CHRM5: variants seen among roughly 807,000 people sequenced by gnomAD.
CHRM5 encodes the protein cholinergic receptor muscarinic 5, also known as muscarinic acetylcholine receptor M5.
Under a neutral mutation model 39.0 loss-of-function variants are expected in CHRM5, and 18 were observed. The ratio of observed to expected loss-of-function variants is 0.46; its 90% CI spans 0.32 to 0.68. The LOEUF (loss-of-function observed/expected upper bound fraction) is 0.68. Ranked by LOEUF, CHRM5 falls within the 30% of genes least tolerant of loss-of-function variation. The probability of loss-of-function intolerance (pLI) is 0.04; values close to 1 mark genes in which losing one functional copy is unlikely to be tolerated. For synonymous variants in CHRM5, 241 were observed against 246.3 expected (o/e 0.98, Z 0.20); for missense variants, 515 against 651.1 (o/e 0.79, Z 2.28).
chr15:33,999,681 C>A (rs117304876), intron 1 of CHRM5, among the ~76,000 whole-genome samples: 224 of 152,290 alleles, frequency 1.5e-3, no homozygotes, highest in Non-Finnish European at 2.8e-3. Flanking sequence ...CTCCACTGCT[C>A]TCCTCTGGAC....
At chr15:34,012,408 A>T (rs530835095) in intron 1 of CHRM5, among the ~76,000 whole-genome samples, 1 of 152,316 alleles carries the variant, frequency 6.6e-6, no homozygotes, top group South Asian at 2.1e-4. Flanking sequence ...TTTCTGGGTG[A>T]TCTTGGTGTG....
chr15:34,055,299 A>C (rs1900094921), intron 2 of CHRM5, among the ~76,000 whole-genome samples: 1 of 151,868 alleles, frequency 6.6e-6, no homozygotes, highest in African/African-American at 2.4e-5. Context: ...GGAGTTTGAG[A>C]CCAGCCTGGC....
At chr15:34,053,738 C>G (rs1166612089) in intron 2 of CHRM5, among the ~76,000 whole-genome samples, 1 of 152,018 alleles carries the variant, frequency 6.6e-6, no homozygotes, top group Non-Finnish European at 1.5e-5. Flanking sequence ...AGAAGAAAAG[C>G]TAGGCAATAC....
At chr15:34,061,393 T>G (rs2041785360) in intron 2 of CHRM5, among the ~76,000 whole-genome samples, 2 of 14,068 alleles carry the variant, frequency 1.4e-4, no homozygotes, top group East Asian at 6.6e-3. Context: ...TAGCTCTAGA[T>G]GTACTGATAA....
At chr15:34,048,863 G>A (rs1282550842) in intron 2 of CHRM5, among the ~76,000 whole-genome samples, 2 of 152,192 alleles carry the variant, frequency 1.3e-5, no homozygotes, top group African/African-American at 2.4e-5. Flanking sequence ...TTGCTGTTTT[G>A]CATACCTGGT....
At chr15:33,985,485 A>T (rs1015561215) in intron 1 of CHRM5, among the ~76,000 whole-genome samples, 1 of 151,522 alleles carries the variant, frequency 6.6e-6, no homozygotes, top group Non-Finnish European at 1.5e-5. Flanking sequence ...CCTGGGGGAG[A>T]TATTACCTCA....
intron 1 of CHRM5, chr15:34,038,656 G>GCGCCGGCGCCGC: frequency 1.1e-6 from 1 of 941,444 alleles, no homozygotes; most frequent in South Asian, 5.1e-5. Context: ...TCCCGCGCAG[G>GCGCCGGCGCCGC]CGCCGGCGCC....
intron 1 of CHRM5, among the ~76,000 whole-genome samples, chr15:34,027,667 T>C (rs1484394591): frequency 1.3e-5 from 2 of 152,130 alleles, no homozygotes; most frequent in South Asian, 2.1e-4. Context: ...TTGACCTCCC[T>C]GACAGCTCTG....
intron 1 of CHRM5, among the ~76,000 whole-genome samples, chr15:33,978,119 T>C (rs1895967395): frequency 6.6e-6 from 1 of 151,930 alleles, no homozygotes; most frequent in African/African-American, 2.4e-5. Context: ...TTTAAAAACA[T>C]AGAAATTCAA....
chr15:34,061,402 A>C (rs1900332028), intron 2 of CHRM5, among the ~76,000 whole-genome samples: 1 of 152,160 alleles, frequency 6.6e-6, no homozygotes, highest in Non-Finnish European at 1.5e-5. Flanking sequence ...ATGTACTGAT[A>C]AAAAGCTGTC....
At chr15:34,043,987 G>A (rs1044409513) in intron 1 of CHRM5, among the ~76,000 whole-genome samples, 4 of 151,494 alleles carry the variant, frequency 2.6e-5, no homozygotes, top group African/African-American at 4.9e-5. Flanking sequence ...ACTTGGGGAC[G>A]TCTTTCCAGC....
intron 1 of CHRM5, among the ~76,000 whole-genome samples, chr15:34,009,134 T>C (rs1053612565): frequency 2.6e-5 from 4 of 151,900 alleles, no homozygotes; most frequent in Non-Finnish European, 5.9e-5. Context: ...AAAAATAAAC[T>C]GTCAGCCAAG....
chr15:33,975,770 G>A (rs1895856946), intron 1 of CHRM5, among the ~76,000 whole-genome samples: 1 of 151,972 alleles, frequency 6.6e-6, no homozygotes, highest in South Asian at 2.1e-4. Context: ...TCTCTACTGA[G>A]AATACAAAAA....
At chr15:33,989,628 G>A (rs1042140425) in intron 1 of CHRM5, among the ~76,000 whole-genome samples, 2 of 151,932 alleles carry the variant, frequency 1.3e-5, no homozygotes, top group Non-Finnish European at 2.9e-5. Context: ...CATAGTCTCT[G>A]AATTCATGTT....
chr15:34,030,507 G>A (rs539305556), intron 1 of CHRM5, among the ~76,000 whole-genome samples: 6 of 151,996 alleles, frequency 3.9e-5, no homozygotes, highest in African/African-American at 1.2e-4. Flanking sequence ...CACCTCGCCC[G>A]GCTAATTTTT....
At chr15:33,985,986 T>TC (rs1362865533) in intron 1 of CHRM5, among the ~76,000 whole-genome samples, 3 of 152,122 alleles carry the variant, frequency 2.0e-5, no homozygotes, top group Non-Finnish European at 4.4e-5. Flanking sequence ...CACATAGCAT[T>TC]CCCCCATGGA....
chr15:33,992,321 C>T (rs563589445), intron 1 of CHRM5, among the ~76,000 whole-genome samples: 1 of 151,774 alleles, frequency 6.6e-6, no homozygotes, highest in South Asian at 2.1e-4. Context: ...GCCCGGGGGG[C>T]GGAGCTTGCA....
intron 2 of CHRM5, among the ~76,000 whole-genome samples, chr15:34,047,644 C>G (rs1051061079): frequency 6.6e-6 from 1 of 152,216 alleles, no homozygotes; most frequent in African/African-American, 2.4e-5. Context: ...CTCAGCCATT[C>G]TAGCTTGCGG....
chr15:34,017,484 G>GTTTTTTT (rs60119659), intron 1 of CHRM5, among the ~76,000 whole-genome samples: 4 of 107,366 alleles, frequency 3.7e-5, no homozygotes, highest in African/African-American at 6.3e-5. Context: ...TTTTTTTTTT[G>GTTTTTTT]TTTTTTTTTT....
Sources: gnomAD v4.1 joint callset for allele counts (sites outside exome capture counted in the v4.1 genomes callset) on GRCh38, gnomAD v4.1.1 for gene constraint, MANE v1.5 for transcripts, NCBI Gene and HGNC (gene_info 2026-07-23, HGNC 2026-07-21) for gene names.